The following ZC3H3 variants were observed in gnomAD, a reference collection of about 807,000 sequenced individuals.
ZC3H3 encodes zinc finger CCCH-type containing 3.
A neutral mutation model predicts 77.3 loss-of-function variants in ZC3H3; 36 were observed. The observed-to-expected ratio is 0.47, with a 90% confidence interval of 0.36 to 0.61. The LOEUF is 0.61. ZC3H3 is among the 20% of genes least tolerant of loss of function. ZC3H3 has a pLI of 0.00. For synonymous variants in ZC3H3, 626 were observed against 555.2 expected, an observed-to-expected ratio of 1.13 and a Z score of -1.79; for missense variants, 1,331 against 1,312.2, an observed-to-expected ratio of 1.01 and a Z score of -0.22.
At chr8:143,463,007 G>A (rs1219676697) in intron 9 of ZC3H3, among the ~76,000 whole-genome samples, 1 of 144,650 alleles carries the variant, frequency 6.9e-6, no homozygotes, top group Admixed American at 7.0e-5. Context: ...TTTTGAGACA[G>A]AGTCTCACTC....
intron 3 of ZC3H3, among the ~76,000 whole-genome samples, chr8:143,528,337 T>C (rs1043561306): frequency 1.3e-5 from 2 of 152,174 alleles, no homozygotes; most frequent in African/African-American, 4.8e-5. Context: ...CGAGGCGCTG[T>C]GGGGCCAGCG....
Position 143,468,271 on chromosome 8 carries a change from G to C in ZC3H3, c.2113C>G (p.Arg705Gly), listed in dbSNP as rs745356696. The C allele has an allele frequency of 6.2e-7, 1 of 1,613,060 alleles. No individual in the cohort carries two copies. Among genetic ancestry groups the C allele is most frequent in the Non-Finnish European group, 8.5e-7 (1 of 1,179,952 alleles). ...EKVAVCTRFV[R>G]GTCKKTDGTC... ...CCATCCGTTTTCTTGCAGGTGCCCC[G>C]GACAAACCTGCAGCACCAGGAGAAA... The change falls in exon 8 of 12, where the codon CGG becomes GGG. Residue 705 changes from arginine (R) to glycine (G), a missense_variant. Physicochemically the swap from Arg to Gly is moderately radical, Grantham distance 125 (BLOSUM62 -2). Coordinates refer to ENST00000262577, the MANE Select transcript of ZC3H3 (RefSeq NM_015117.3).
At chr8:143,516,414 G>A (rs1235602821) in intron 3 of ZC3H3, among the ~76,000 whole-genome samples, 1 of 152,102 alleles carries the variant, frequency 6.6e-6, no homozygotes, top group African/African-American at 2.4e-5. Flanking sequence ...GCTCCGCAGG[G>A]TGGAGAGCAG....
intron 1 of ZC3H3, among the ~76,000 whole-genome samples, chr8:143,540,168 G>GTC (rs1822963332): frequency 6.6e-6 from 1 of 152,242 alleles, no homozygotes; most frequent in Non-Finnish European, 1.5e-5. Context: ...CAATCCTTAA[G>GTC]TCTTCCCTTT....
In ZC3H3 at chr8:143,538,716, C is replaced by T; in HGVS notation, c.651G>A (p.Arg217=). 3 of 1,609,210 alleles carry T rather than the reference C, an allele frequency of 1.9e-6. No individual in the cohort carries two copies. The highest frequency in any genetic ancestry group is 2.5e-6 in the Non-Finnish European group (3 of 1,179,866). Residue 217 remains arginine (R), a synonymous_variant, in exon 2 of 12, where the codon CGG becomes CGA. Transcript: ENST00000262577. ...SVGDSPREPR[R]TVSESVIAVK... is the part of the protein sequence containing the mutation. The stretch of plus-strand genomic sequence containing the variant: ...CGGCAATCACACTCTCACTGACTGT[C>T]CGGCGGGGCTCCCGGGGGCTGTCGC...
chr8:143,513,463 C>G (rs550465053), intron 3 of ZC3H3, among the ~76,000 whole-genome samples: 1 of 152,332 alleles, frequency 6.6e-6, no homozygotes, highest in Non-Finnish European at 1.5e-5. Flanking sequence ...AGGCCCCACG[C>G]TGGAGACTCT....
At chr8:143,519,381 C>T (rs545331367) in intron 3 of ZC3H3, among the ~76,000 whole-genome samples, 7 of 152,160 alleles carry the variant, frequency 4.6e-5, no homozygotes, top group African/African-American at 7.2e-5. Context: ...GGGCCCCAGA[C>T]CATAGTGCAA....
chr8:143,492,032 A>C (rs942204258), intron 4 of ZC3H3, among the ~76,000 whole-genome samples: 1 of 152,198 alleles, frequency 6.6e-6, no homozygotes, highest in Non-Finnish European at 1.5e-5. Context: ...AGGGCAGAGA[A>C]GGAGTGAAAG....
intron 9 of ZC3H3, among the ~76,000 whole-genome samples, chr8:143,459,440 T>C (rs529297264): frequency 6.6e-6 from 1 of 152,210 alleles, no homozygotes; most frequent in East Asian, 1.9e-4. Context: ...TCCCAGCTAC[T>C]CATGAGGCTG....
At chr8:143,516,558 C>G (rs1050529868) in intron 3 of ZC3H3, among the ~76,000 whole-genome samples, 3 of 102,416 alleles carry the variant, frequency 2.9e-5, no homozygotes, top group African/African-American at 1.3e-4. Context: ...CACACACACA[C>G]ACACACACAT....
chr8:143,461,745 T>C (rs1820269324), intron 9 of ZC3H3, among the ~76,000 whole-genome samples: 2 of 151,980 alleles, frequency 1.3e-5, no homozygotes, highest in African/African-American at 4.8e-5. Flanking sequence ...TACTGTATGA[T>C]TCCAGCAACA....
chr8:143,501,316 T>C (rs1017708696), intron 4 of ZC3H3, among the ~76,000 whole-genome samples: 4 of 152,116 alleles, frequency 2.6e-5, no homozygotes, highest in African/African-American at 9.7e-5. Context: ...TCCTCCTGCC[T>C]CCTCAGTCTC....
chr8:143,492,379 G>A (rs1419095326), intron 4 of ZC3H3, among the ~76,000 whole-genome samples: 1 of 152,090 alleles, frequency 6.6e-6, no homozygotes, highest in Non-Finnish European at 1.5e-5. Context: ...CACTCCCAGG[G>A]CCCTGGCCCG....
At chr8:143,438,390 G>A (rs1189824181) in intron 11 of ZC3H3, among the ~76,000 whole-genome samples, 1 of 152,200 alleles carries the variant, frequency 6.6e-6, no homozygotes, top group African/African-American at 2.4e-5. Context: ...TCCTGGGCGG[G>A]CGGCAGTCCC....
chr8:143,471,153 C>T (rs1440740706), intron 5 of ZC3H3, among the ~76,000 whole-genome samples: 2 of 152,256 alleles, frequency 1.3e-5, no homozygotes, highest in Non-Finnish European at 2.9e-5. Flanking sequence ...GGCACGCAGG[C>T]AGCCCCAATT....
At chr8:143,469,805 C>T (rs1020280085) in intron 5 of ZC3H3, among the ~76,000 whole-genome samples, 2 of 152,190 alleles carry the variant, frequency 1.3e-5, no homozygotes, top group South Asian at 2.1e-4. Context: ...CTGCTGAGGG[C>T]GGCTTTCCCG....
At chr8:143,472,119 C>T (rs1820583750) in intron 5 of ZC3H3, among the ~76,000 whole-genome samples, 1 of 152,250 alleles carries the variant, frequency 6.6e-6, no homozygotes, top group Non-Finnish European at 1.5e-5. Context: ...GGCCCCTGGA[C>T]CCCTGCCTGC....
intron 5 of ZC3H3, among the ~76,000 whole-genome samples, chr8:143,475,110 T>C (rs1820695362): frequency 6.6e-6 from 1 of 152,228 alleles, no homozygotes; most frequent in African/African-American, 2.4e-5. Context: ...CCTGGCACCC[T>C]CCATTCTCCG....
chr8:143,524,043 T>C (rs1692874202), intron 3 of ZC3H3, among the ~76,000 whole-genome samples: 1 of 152,234 alleles, frequency 6.6e-6, no homozygotes, highest in Admixed American at 6.5e-5. Context: ...CAGAAGTCCG[T>C]GTTCCCAGGT....
Sources: allele counts gnomAD v4.1 joint callset (sites outside exome capture counted in the v4.1 genomes callset), GRCh38; gene constraint gnomAD v4.1.1; transcripts MANE v1.5; gene names NCBI Gene and HGNC (gene_info 2026-07-23, HGNC 2026-07-21).